SLC14A2: variants seen among roughly 807,000 people sequenced by gnomAD.
SLC14A2 encodes the protein solute carrier family 14 member 2.
Under a neutral mutation model 104.6 loss-of-function variants are expected in SLC14A2, and 91 were observed. The ratio of observed to expected loss-of-function variants is 0.87; its 90% CI spans 0.73 to 1.04. SLC14A2 has a LOEUF of 1.04. SLC14A2 is among the 50% of genes least tolerant of loss of function. SLC14A2 has a pLI of 0.00. For synonymous variants in SLC14A2, 476 were observed against 466.4 expected, an observed-to-expected ratio of 1.02 and a Z score of -0.27; for missense variants, 1,189 against 1,156.0, an observed-to-expected ratio of 1.03 and a Z score of -0.41.
chr18:45,475,637 T>C (rs1568227789), intron 1 of SLC14A2, among the ~76,000 whole-genome samples: 14 of 32,722 alleles, frequency 4.3e-4, no homozygotes, highest in Admixed American at 8.1e-4. Flanking sequence ...TATATATATA[T>C]TTAGGATATA....
chr18:45,446,356 T>A (rs988454245), intron 1 of SLC14A2, among the ~76,000 whole-genome samples: 1 of 152,160 alleles, frequency 6.6e-6, no homozygotes, highest in African/African-American at 2.4e-5. Context: ...ATGATGGGAT[T>A]AGTGTCCTTA....
At chr18:45,379,928 C>T (rs2085816002) in intron 1 of SLC14A2, among the ~76,000 whole-genome samples, 1 of 152,206 alleles carries the variant, frequency 6.6e-6, no homozygotes, top group African/African-American at 2.4e-5. Flanking sequence ...CACTTTCCAT[C>T]CCACCTGCCA....
chr18:45,664,814 C>T (rs1254303639), intron 11 of SLC14A2, among the ~76,000 whole-genome samples: 1 of 152,108 alleles, frequency 6.6e-6, no homozygotes, highest in Non-Finnish European at 1.5e-5. Flanking sequence ...TCTCAAGGGC[C>T]CCTGTAGCTC....
chr18:45,246,631 G>T (rs2084369962), intron 1 of SLC14A2, among the ~76,000 whole-genome samples: 2 of 151,986 alleles, frequency 1.3e-5, no homozygotes, highest in Admixed American at 1.3e-4. Context: ...GGAGTGCAGT[G>T]GTGTGATCTT....
chr18:45,546,265 C>A (rs556706293), intron 2 of SLC14A2, among the ~76,000 whole-genome samples: 1 of 152,308 alleles, frequency 6.6e-6, no homozygotes, highest in African/African-American at 2.4e-5. Flanking sequence ...ATCCTTAGAA[C>A]GAACTCCTAG....
At chr18:45,642,199 C>T (rs184302016) in intron 8 of SLC14A2, among the ~76,000 whole-genome samples, 4 of 152,212 alleles carry the variant, frequency 2.6e-5, no homozygotes, top group African/African-American at 7.2e-5. Flanking sequence ...AGAAGACTAG[C>T]GTCTGGAACA....
At chr18:45,239,326 T>C (rs1035395179) in intron 1 of SLC14A2, among the ~76,000 whole-genome samples, 11 of 152,238 alleles carry the variant, frequency 7.2e-5, no homozygotes, top group African/African-American at 2.7e-4. Context: ...TTAGAGCTGA[T>C]CTAGGGGAAG....
At chr18:45,536,074 T>C (rs2043776688) in intron 2 of SLC14A2, among the ~76,000 whole-genome samples, 1 of 152,210 alleles carries the variant, frequency 6.6e-6, no homozygotes, top group African/African-American at 2.4e-5. Context: ...ATGAAGAACA[T>C]TGACTTCCTT....
chr18:45,312,112 G>A (rs1267708531), intron 1 of SLC14A2, among the ~76,000 whole-genome samples: 1 of 152,178 alleles, frequency 6.6e-6, no homozygotes, highest in Non-Finnish European at 1.5e-5. Context: ...CTATGGGGAA[G>A]TTATCTAACA....
chr18:45,417,779 T>TAA (rs996845165), intron 1 of SLC14A2, among the ~76,000 whole-genome samples: 1 of 151,678 alleles, frequency 6.6e-6, no homozygotes, highest in Non-Finnish European at 1.5e-5. Context: ...GATAATTACT[T>TAA]AAAAAAAAAT....
chr18:45,198,038 T>C, the SLC14A2 span, among the ~76,000 whole-genome samples: 2 of 152,150 alleles, frequency 1.3e-5, no homozygotes, highest in East Asian at 1.9e-4. Context: ...CCAGAATATC[T>C]AGAATATTGG....
intron 1 of SLC14A2, among the ~76,000 whole-genome samples, chr18:45,475,052 T>A (rs2087331986): frequency 6.6e-6 from 1 of 152,210 alleles, no homozygotes; most frequent in Non-Finnish European, 1.5e-5. Context: ...GCTTTAGCTG[T>A]GTCCCAGAGA....
intron 12 of SLC14A2, among the ~76,000 whole-genome samples, 167 bp downstream of exon 12, chr18:45,666,386 G>A (rs1197111719): frequency 6.6e-6 from 1 of 152,038 alleles, no homozygotes; most frequent in East Asian, 1.9e-4. Context: ...CTCTTTCACA[G>A]TTTACTTTGT....
intron 1 of SLC14A2, among the ~76,000 whole-genome samples, chr18:45,256,147 G>A (rs1249360466): frequency 2.0e-5 from 3 of 152,162 alleles, no homozygotes; most frequent in Non-Finnish European, 4.4e-5. Flanking sequence ...GAGACTGGTG[G>A]TACCTTTTAT....
At chr18:45,420,045 C>G (rs532570779) in intron 1 of SLC14A2, among the ~76,000 whole-genome samples, 1 of 152,306 alleles carries the variant, frequency 6.6e-6, no homozygotes, top group Admixed American at 6.5e-5. Flanking sequence ...AATCTGGGAA[C>G]AGCTTGGCCA....
At chr18:45,556,525 A>G (rs1250098104) in intron 2 of SLC14A2, among the ~76,000 whole-genome samples, 1 of 152,170 alleles carries the variant, frequency 6.6e-6, no homozygotes, top group Non-Finnish European at 1.5e-5. Context: ...TTCTCGGCCT[A>G]CTTCAGACAC....
intron 2 of SLC14A2, among the ~76,000 whole-genome samples, chr18:45,525,174 C>T (rs1014559867): frequency 6.6e-6 from 1 of 152,050 alleles, no homozygotes; most frequent in African/African-American, 2.4e-5. Flanking sequence ...CTCCCTTCAG[C>T]TCCTTGTCCA....
intron 1 of SLC14A2, among the ~76,000 whole-genome samples, chr18:45,216,313 A>T (rs1302547876): frequency 6.6e-6 from 1 of 152,138 alleles, no homozygotes; most frequent in Non-Finnish European, 1.5e-5. Flanking sequence ...CCTTCCCAAG[A>T]CGTCGATGTG....
chr18:45,190,199 A>G, the SLC14A2 span, among the ~76,000 whole-genome samples: 1 of 152,206 alleles, frequency 6.6e-6, no homozygotes, highest in South Asian at 2.1e-4. Flanking sequence ...CTTCTTTAGT[A>G]GGCTAAATAT....
Sources: allele counts gnomAD v4.1 joint callset (sites outside exome capture counted in the v4.1 genomes callset), GRCh38; gene constraint gnomAD v4.1.1; transcripts MANE v1.5; gene names NCBI Gene and HGNC (gene_info 2026-07-23, HGNC 2026-07-21).